KCNK13: variants seen among roughly 807,000 people sequenced by gnomAD.
KCNK13 encodes the protein potassium channel subfamily K member 13.
In KCNK13, 12 loss-of-function variants were observed where a neutral mutation model predicts 23.4. That is an observed-to-expected ratio of 0.51 (90% confidence interval 0.33 to 0.83). The LOEUF (loss-of-function observed/expected upper bound fraction) is 0.83, where lower values mean the gene tolerates loss of function less well. Ranked by LOEUF, KCNK13 falls within the 40% of genes least tolerant of loss-of-function variation. KCNK13 has a pLI of 0.02. For missense variants in KCNK13, 463 were observed against 556.3 expected, an observed-to-expected ratio of 0.83 and a Z score of 1.69; for synonymous variants, 231 against 229.5, an observed-to-expected ratio of 1.01 and a Z score of -0.06.
At chr14:90,070,173 A>G (rs557071010) in intron 1 of KCNK13, among the ~76,000 whole-genome samples, 2 of 152,346 alleles carry the variant, frequency 1.3e-5, no homozygotes, top group Admixed American at 1.3e-4. Context: ...TGTGGGATGC[A>G]TCTCGATTTC....
chr14:90,158,318 C>T (rs1254769474), intron 1 of KCNK13, among the ~76,000 whole-genome samples: 2 of 152,222 alleles, frequency 1.3e-5, no homozygotes, highest in Non-Finnish European at 2.9e-5. Flanking sequence ...CCATGCCCTC[C>T]CAGCTGGTGT....
In KCNK13 at chr14:90,143,171, C is replaced by CTTTCTTTCTTTCTTTCTTTTCT. The variant is rs1555352138; in HGVS notation, c.335-40933_335-40932insCTTTCTTTCTTTTCTTTTCTTT. 2.3e-4 allele frequency among the ~76,000 whole-genome samples: 29 copies of CTTTCTTTCTTTCTTTCTTTTCT among 123,844 alleles called. 1 individual carries two copies. The South Asian group carries it at 3.6e-3, about 15-fold the overall frequency. 81.2% of individuals were successfully genotyped at this position (123,844 alleles called of 152,430 possible). On this transcript the variant is annotated intron_variant, in intron 1 of 1. Coordinates refer to ENST00000282146, the MANE Select transcript of KCNK13 (RefSeq NM_022054.4). ...ACTTTCTTTCTTTCTTTCTTTCTTT[C>CTTTCTTTCTTTCTTTCTTTTCT]TTTCTTTTCTTTTCTTTTCTTTCTT...
rs986792447 is a variant in KCNK13 at position 90,107,684 on chromosome 14, G to A, written c.334+45145G>A. 12 of 734,136 alleles carry A rather than the reference G, an allele frequency of 1.6e-5. No individual in the cohort carries two copies. The African/African-American group carries it at 2.1e-4, about 13-fold the overall frequency. 45.5% of individuals were successfully genotyped at this position (734,136 alleles called of 1,614,324 possible). ...ACCGCAGCCTGTCAGCATGGCTCAA[G>A]AGTGTGGGAACTACAAAATCCAGCC... On this transcript the variant is annotated intron_variant, in intron 1 of 1. Transcript: ENST00000282146.
intron 1 of KCNK13, among the ~76,000 whole-genome samples, chr14:90,156,671 T>C (rs1179160599): frequency 1.3e-5 from 2 of 152,156 alleles, no homozygotes; most frequent in African/African-American, 4.8e-5. Flanking sequence ...TTTCACTGAA[T>C]CTGACCCCCA....
chr14:90,096,944 G>A (rs2140404047), intron 1 of KCNK13, among the ~76,000 whole-genome samples: 1 of 152,244 alleles, frequency 6.6e-6, no homozygotes, highest in South Asian at 2.1e-4. Context: ...GAATCTGATT[G>A]GCCAAATATG....
At chr14:90,177,101 A>T (rs929605247) in intron 1 of KCNK13, 1 of 152,396 alleles carries the variant, frequency 6.6e-6, no homozygotes, top group Non-Finnish European at 1.5e-5. Context: ...AGGCTGAGGC[A>T]GGAGAATCGC....
At chr14:90,077,556 T>C (rs1889154939) in intron 1 of KCNK13, among the ~76,000 whole-genome samples, 1 of 152,234 alleles carries the variant, frequency 6.6e-6, no homozygotes, top group African/African-American at 2.4e-5. Flanking sequence ...TTGCTTTGTT[T>C]TCATCTATTT....
chr14:90,142,510 G>T (rs1248135987), intron 1 of KCNK13, among the ~76,000 whole-genome samples: 1 of 150,776 alleles, frequency 6.6e-6, no homozygotes, highest in South Asian at 2.1e-4. Flanking sequence ...AGTAGAGATG[G>T]GGTTTCATCG....
chr14:90,139,095 C>G (rs1889972523), intron 1 of KCNK13, among the ~76,000 whole-genome samples: 1 of 152,296 alleles, frequency 6.6e-6, no homozygotes, highest in Non-Finnish European at 1.5e-5. Context: ...TTCAGACATC[C>G]AGTTAGCACT....
intron 1 of KCNK13, among the ~76,000 whole-genome samples, chr14:90,175,034 T>A (rs569455417): frequency 1.8e-4 from 27 of 152,126 alleles, no homozygotes; most frequent in Non-Finnish European, 2.8e-4. Context: ...GAGATGTACA[T>A]GACAGTGGAT....
At chr14:90,074,690 G>T (rs1889115377) in intron 1 of KCNK13, among the ~76,000 whole-genome samples, 1 of 151,990 alleles carries the variant, frequency 6.6e-6, no homozygotes, top group African/African-American at 2.4e-5. Flanking sequence ...ATTTCAGTTG[G>T]TTTTTCTCTT....
intron 1 of KCNK13, among the ~76,000 whole-genome samples, chr14:90,122,600 G>A (rs1889752313): frequency 6.6e-6 from 1 of 151,926 alleles, no homozygotes; most frequent in African/African-American, 2.4e-5. Context: ...ATTTGACATT[G>A]CTTTGCAAAA....
chr14:90,108,024 C>G (rs529357054), intron 1 of KCNK13: 2 of 666,298 alleles, frequency 3.0e-6, no homozygotes, highest in African/African-American at 1.8e-5. Context: ...GCTGACTTTC[C>G]TCCTCAAGAG....
chr14:90,099,007 G>A (rs949423286), intron 1 of KCNK13, among the ~76,000 whole-genome samples: 39 of 151,980 alleles, frequency 2.6e-4, no homozygotes, highest in African/African-American at 8.7e-4. Context: ...AACCCAGGAG[G>A]CAGAGTTTGC....
intron 1 of KCNK13, among the ~76,000 whole-genome samples, chr14:90,105,792 G>A (rs574779167): frequency 4.3e-4 from 65 of 152,250 alleles, no homozygotes; most frequent in African/African-American, 1.4e-3. Context: ...TTCTGCATAC[G>A]AAAGAAAAGG....
intron 1 of KCNK13, among the ~76,000 whole-genome samples, chr14:90,120,142 C>T (rs1309453432): frequency 6.6e-6 from 1 of 152,160 alleles, no homozygotes; most frequent in Non-Finnish European, 1.5e-5. Flanking sequence ...ATTTAGCTCC[C>T]ACTTATAAGT....
chr14:90,115,193 G>T (rs1174897849), intron 1 of KCNK13, among the ~76,000 whole-genome samples: 1 of 143,320 alleles, frequency 7.0e-6, no homozygotes, highest in Non-Finnish European at 1.6e-5. Context: ...GGGTTTTGTT[G>T]GTTGGTTTGT....
chr14:90,107,480 A>T (rs1889560109), intron 1 of KCNK13, among the ~76,000 whole-genome samples: 1 of 152,246 alleles, frequency 6.6e-6, no homozygotes, highest in African/African-American at 2.4e-5. Context: ...TCCGTCTCAA[A>T]AAAATATATA....
At position 90,062,682 on chromosome 14, in the gene KCNK13, A is replaced by G; in HGVS notation, c.334+143A>G. ...TGACATGAGCTGTCGCCTGATCAAC[A>G]GGTGGTATTGCCTCCCCGCTGCTCT... On this transcript the variant is annotated intron_variant, in intron 1 of 1. Transcript: ENST00000282146. This position sits in a 1 kb window ranked among gnomAD's most constrained non-coding sequence, Gnocchi z 4.5. 1 of 605,306 alleles carries G rather than the reference A, an allele frequency of 1.7e-6. No homozygotes were observed. The highest frequency in any genetic ancestry group is 2.9e-5 in the South Asian group (1 of 34,144). 37.5% of individuals were successfully genotyped at this position (605,306 alleles called of 1,614,324 possible).
Sources: gnomAD v4.1 joint callset for allele counts (sites outside exome capture counted in the v4.1 genomes callset) on GRCh38, gnomAD v4.1.1 for gene constraint, Gnocchi (gnomAD v3.1) non-coding constraint, MANE v1.5 for transcripts, NCBI Gene and HGNC (gene_info 2026-07-23, HGNC 2026-07-21) for gene names.